Variants in EYA3 observed in about 807,000 individuals in gnomAD.
EYA3 encodes protein phosphatase EYA3.
In EYA3, 39 loss-of-function variants were observed where a neutral mutation model predicts 80.0. The ratio of observed to expected loss-of-function variants is 0.49; its 90% CI spans 0.38 to 0.64. EYA3 has a LOEUF of 0.64. Among genes scored for constraint, EYA3 ranks in the 30% least tolerant of loss-of-function variants. The pLI is 0.00. For missense variants in EYA3, 523 were observed against 676.1 expected (o/e 0.77, Z 2.51); for synonymous variants, 206 against 232.8 (o/e 0.88, Z 1.05).
intron 1 of EYA3, among the ~76,000 whole-genome samples, chr1:28,088,142 CG>C (rs376291785): frequency 6.0e-4 from 92 of 152,116 alleles, no homozygotes; most frequent in African/African-American, 2.1e-3. Context: ...TGGGCCGTCT[CG>C]CTAGGTGAAA....
At chr1:28,025,689 A>C (rs969543342) in intron 7 of EYA3, among the ~76,000 whole-genome samples, 1 of 152,206 alleles carries the variant, frequency 6.6e-6, no homozygotes, top group Non-Finnish European at 1.5e-5. Flanking sequence ...AAAATGTTCT[A>C]ACAGATAACA....
intron 5 of EYA3, among the ~76,000 whole-genome samples, chr1:28,036,175 T>A (rs917080831): frequency 6.6e-6 from 1 of 152,300 alleles, no homozygotes; most frequent in Non-Finnish European, 1.5e-5. Flanking sequence ...TCTCCTATCA[T>A]CAACCCAAGG....
chr1:28,018,849 GC>G, intron 7 of EYA3, among the ~76,000 whole-genome samples: 1 of 152,202 alleles, frequency 6.6e-6, no homozygotes, highest in South Asian at 2.1e-4. Context: ...CTCAGGGTCA[GC>G]AGCTAAGCTA....
At position 28,009,817 on chromosome 1, in the gene EYA3, AC is replaced by A. The variant is rs1201817638; in HGVS notation, c.909+1129del. Reference sequence around the variant, plus strand: ...TAGAAGAAGGGGAGAATGGGGAGTTACTGCTTAATGGGTACAGAGTTTTCAT... The same window carrying A: ...TAGAAGAAGGGGAGAATGGGGAGTTATGCTTAATGGGTACAGAGTTTTCAT... On this transcript the variant is annotated intron_variant, in intron 10 of 17. Coordinates refer to ENST00000373871, the MANE Select transcript of EYA3 (RefSeq NM_001990.4). This position sits in a 1 kb window ranked among gnomAD's most constrained non-coding sequence, Gnocchi z 4.8. 6.6e-6 allele frequency among the ~76,000 whole-genome samples: 1 copy of A among 152,242 alleles called. No individual in the cohort carries two copies. The highest frequency in any genetic ancestry group is 2.4e-5 in the African/African-American group (1 of 41,458).
intron 4 of EYA3, among the ~76,000 whole-genome samples, chr1:28,041,155 AGAGTTCGAGAC>A (rs1476392655): frequency 6.6e-6 from 1 of 151,050 alleles, no homozygotes; most frequent in African/African-American, 2.4e-5. Context: ...CTTGAGGTCA[AGAGTTCGAGAC>A]CAGCCTGGCC....
intron 2 of EYA3, among the ~76,000 whole-genome samples, chr1:28,050,204 T>A (rs945150493): frequency 7.2e-6 from 1 of 139,846 alleles, no homozygotes; most frequent in Non-Finnish European, 1.5e-5. Flanking sequence ...TTATTATTAT[T>A]TTTTTTGAGA....
intron 17 of EYA3, 79 bp downstream of exon 17, chr1:27,978,295 C>T: frequency 9.8e-7 from 1 of 1,020,508 alleles, no homozygotes; most frequent in East Asian, 2.4e-5. Context: ...TAATAGATTG[C>T]TAAGATTTTG....
intron 16 of EYA3, 190 bp downstream of exon 16, chr1:27,988,345 G>A: frequency 1.8e-6 from 1 of 548,374 alleles, no homozygotes; most frequent in Non-Finnish European, 3.2e-6. Context: ...CTTACTAGCT[G>A]TGAGAACCTG....
At chr1:28,023,771 A>T (rs188955433) in intron 7 of EYA3, among the ~76,000 whole-genome samples, 9 of 152,330 alleles carry the variant, frequency 5.9e-5, no homozygotes, top group Non-Finnish European at 1.0e-4. Flanking sequence ...AGGAAATCTG[A>T]ATAAACAACG....
At chr1:28,066,877 G>A (rs1264680182) in intron 1 of EYA3, among the ~76,000 whole-genome samples, 1 of 151,962 alleles carries the variant, frequency 6.6e-6, no homozygotes, top group Non-Finnish European at 1.5e-5. Flanking sequence ...ACCTGTCAAA[G>A]GATAAAAACA....
intron 3 of EYA3, among the ~76,000 whole-genome samples, chr1:28,043,617 C>T (rs1643896902): frequency 6.6e-6 from 1 of 152,118 alleles, no homozygotes; most frequent in African/African-American, 2.4e-5. Flanking sequence ...GCGGGCGGAT[C>T]ACTTGAGATC....
chr1:28,080,305 A>C (rs1397085917), intron 1 of EYA3, among the ~76,000 whole-genome samples: 2 of 151,836 alleles, frequency 1.3e-5, no homozygotes, highest in Non-Finnish European at 2.9e-5. Context: ...CAAACAAAAA[A>C]AATTAGTGAG....
At position 28,047,537 on chromosome 1, in the gene EYA3, T is replaced by C. The variant is rs12129831; in HGVS notation, c.77+846A>G. Among the ~76,000 whole-genome samples, 1,392 of 152,128 alleles carry C rather than the reference T, an allele frequency of 9.2e-3. 10 individuals are homozygous for C. Among genetic ancestry groups the C allele is most frequent in the African/African-American group, 0.017 (694 of 41,496 alleles). ...TAGAGGTGATGCAGTTACTGGCTCA[T>C]ATGGTTGGTGCACAAACGACAGAAG... is the stretch of plus-strand genomic sequence containing the variant. On this transcript the variant is annotated intron_variant, in intron 3 of 17. Transcript: ENST00000373871.
At chr1:28,044,080 T>C (rs1248859309) in intron 3 of EYA3, among the ~76,000 whole-genome samples, 1 of 152,150 alleles carries the variant, frequency 6.6e-6, no homozygotes, top group African/African-American at 2.4e-5. Flanking sequence ...GACAAGTCAT[T>C]ATGTTAGATA....
intron 13 of EYA3, among the ~76,000 whole-genome samples, chr1:27,995,450 G>T (rs1412280712): frequency 1.4e-5 from 2 of 146,512 alleles, no homozygotes; most frequent in Non-Finnish European, 3.0e-5. Flanking sequence ...AAGACAATGA[G>T]TACAAGCTGG....
chr1:28,063,490 G>A (rs1402385419), intron 1 of EYA3, among the ~76,000 whole-genome samples: 1 of 151,342 alleles, frequency 6.6e-6, no homozygotes, highest in East Asian at 2.0e-4. Context: ...CCAGGTAGCT[G>A]GGATTACAGG....
intron 14 of EYA3, among the ~76,000 whole-genome samples, chr1:27,991,658 C>CT (rs1249546901): frequency 1.3e-5 from 2 of 152,148 alleles, no homozygotes; most frequent in African/African-American, 4.8e-5. Flanking sequence ...TTAGATGACT[C>CT]TTAACATTTT....
intron 6 of EYA3, among the ~76,000 whole-genome samples, chr1:28,034,669 C>T (rs1371018182): frequency 2.6e-5 from 4 of 152,122 alleles, no homozygotes; most frequent in Non-Finnish European, 5.9e-5. Flanking sequence ...AGTAGCCAAA[C>T]AGGTCAGGAG....
At chr1:28,005,204 T>A (rs980572007) in intron 10 of EYA3, among the ~76,000 whole-genome samples, 1 of 152,104 alleles carries the variant, frequency 6.6e-6, no homozygotes, top group Non-Finnish European at 1.5e-5. Flanking sequence ...ATTAAAAACA[T>A]CCCAACAAAG....
Sources: gnomAD v4.1 joint callset for allele counts (sites outside exome capture counted in the v4.1 genomes callset) on GRCh38, gnomAD v4.1.1 for gene constraint, Gnocchi (gnomAD v3.1) non-coding constraint, MANE v1.5 for transcripts, NCBI Gene and HGNC (gene_info 2026-07-23, HGNC 2026-07-21) for gene names.